ZDHHC8: variants seen among roughly 807,000 people sequenced by gnomAD.
ZDHHC8 encodes the protein zDHHC palmitoyltransferase 8, also known as palmitoyltransferase ZDHHC8.
A neutral mutation model predicts 61.2 loss-of-function variants in ZDHHC8; 24 were observed. The observed-to-expected ratio is 0.39, with a 90% confidence interval of 0.28 to 0.55. The LOEUF is 0.55. Ranked by LOEUF, ZDHHC8 falls within the 20% of genes least tolerant of loss-of-function variation. The pLI is 0.60. For synonymous variants in ZDHHC8, 523 were observed against 492.5 expected, an observed-to-expected ratio of 1.06 and a Z score of -0.82; for missense variants, 935 against 1,102.1, an observed-to-expected ratio of 0.85 and a Z score of 2.15.
At position 20,147,045 on chromosome 22, in the gene ZDHHC8, TG is replaced by T; in HGVS notation, c.*1647del. 6.9e-7 allele frequency: 1 copy of T among 1,448,858 alleles called. No individual in the cohort carries two copies. The allele number at this position is 1,448,858 out of a possible 1,614,324, so 89.8% of individuals were successfully genotyped here. A position where few individuals can be genotyped will look rare whatever the true frequency, so the allele number is the denominator to read the frequency against. On this transcript the variant is annotated 3_prime_UTR_variant, in exon 11 of 11. Transcript: ENST00000334554. ...GGGGGCGGATTGGCACCTGCACCCG[TG>T]GATGGGGGCGGCGTGGCCAGCCTTG...
rs146801450 is a variant in ZDHHC8, at chr22:20,142,845, T to C, written c.1215T>C (p.Tyr405=). The C allele has an allele frequency of 3.3e-5, 53 of 1,612,642 alleles. 1 individual carries two copies. The Middle Eastern group carries it at 6.6e-4, about 20-fold the overall frequency. ...AGCCGAGCCTGGACCTCCCTGACTATGGGCCAGGGGGCCTGCATGCAGCCT... is the reference window on the plus strand; with the variant it reads ...AGCCGAGCCTGGACCTCCCTGACTACGGGCCAGGGGGCCTGCATGCAGCCT... The part of the protein sequence containing the change: ...VSEPSLDLPD[Y]GPGGLHAAYP... Residue 405 remains tyrosine (Y), a synonymous_variant, in exon 10 of 11, where the codon TAT becomes TAC. Coordinates refer to ENST00000334554, the MANE Select transcript of ZDHHC8 (RefSeq NM_013373.4).
chr22:20,140,513 G>A (rs991673948), intron 5 of ZDHHC8, 104 bp from the exon 6 acceptor site: 26 of 1,246,192 alleles, frequency 2.1e-5, no homozygotes, highest in East Asian at 1.3e-4. Flanking sequence ...GCCACTTCCC[G>A]CAAGTATCAG....
At chr22:20,136,239 C>T (rs1462941720) in intron 1 of ZDHHC8, among the ~76,000 whole-genome samples, 2 of 152,216 alleles carry the variant, frequency 1.3e-5, no homozygotes, top group Non-Finnish European at 2.9e-5. Flanking sequence ...CTCCGGCAGG[C>T]GAGCCTGGTG....
chr22:20,141,638 C>G (rs1210217030), intron 9 of ZDHHC8, 108 bp downstream of exon 9: 6 of 954,780 alleles, frequency 6.3e-6, no homozygotes, highest in African/African-American at 1.7e-5. Context: ...AGAGCCCCAT[C>G]TCTCCAGCAG....
chr22:20,139,707 T>C lies in ZDHHC8; in HGVS notation c.385-13T>C, dbSNP rs1180705143. ...CTGCCTGCCATGTGCCCTGATGCAC[T>C]GCTCCCGCCCAGGACTTTGACCACC... On this transcript the variant is annotated splice_polypyrimidine_tract_variant and intron_variant, in intron 3 of 10. Coordinates refer to ENST00000334554, the MANE Select transcript of ZDHHC8 (RefSeq NM_013373.4). 1.2e-6 allele frequency: 2 copies of C among 1,611,962 alleles called. No individual in the cohort carries two copies. The highest frequency in any genetic ancestry group is 2.7e-5 in the African/African-American group (2 of 75,062).
chr22:20,140,856 T>G lies in ZDHHC8; in HGVS notation c.753-15T>G. On this transcript the variant is annotated splice_polypyrimidine_tract_variant and intron_variant, in intron 6 of 10. Transcript: ENST00000334554. ...GGCAGGTGGGCTGGCTACTGACCCC[T>G]GTGCCCTGGTGCAGGTACGTGGTGG... 1 of 1,599,228 alleles carries G rather than the reference T, an allele frequency of 6.3e-7. No individual in the cohort carries two copies. Among genetic ancestry groups the G allele is most frequent in the Non-Finnish European group, 8.5e-7 (1 of 1,179,456 alleles).
chr22:20,131,983 C>A lies in ZDHHC8; in HGVS notation c.36C>A (p.Ala12=). Residue 12 remains alanine, a synonymous_variant, in exon 1 of 11, where the codon GCC becomes GCA. Coordinates refer to ENST00000334554, the MANE Select transcript of ZDHHC8 (RefSeq NM_013373.4). The part of the protein sequence containing the change: ...PRSPGTRLKP[A]KYIPVATAAA... ...GCCCCGGGACGCGCCTCAAACCCGC[C>A]AAGTACATCCCGGTGGCCACGGCCG... The A allele has an allele frequency of 7.3e-7, 1 of 1,365,088 alleles. No homozygotes were observed. The highest frequency in any genetic ancestry group is 3.9e-5 in the East Asian group (1 of 25,904). The allele number at this position is 1,365,088 out of a possible 1,614,324, so 84.6% of individuals were successfully genotyped here.
At chr22:20,136,810 C>T (rs2050425069) in intron 1 of ZDHHC8, among the ~76,000 whole-genome samples, 1 of 152,216 alleles carries the variant, frequency 6.6e-6, no homozygotes, top group South Asian at 2.1e-4. Flanking sequence ...TATGTGTGTA[C>T]ATGCCTGTAT....
Position 20,139,324 on chromosome 22 carries a change from C to A in ZDHHC8, c.226+9C>A. 6.2e-7 allele frequency: 1 copy of A among 1,612,610 alleles called. No homozygotes were observed. The highest frequency in any genetic ancestry group is 8.5e-7 in the Non-Finnish European group (1 of 1,179,322). ...TGGTGTTTTCCCCCGAGGTAGGGCC[C>A]TGTGCTGCGGCAGCTCCTCTCACTT... On this transcript the variant is annotated intron_variant, in intron 2 of 10. Transcript: ENST00000334554.
At position 20,146,653 on chromosome 22, in the gene ZDHHC8, G is replaced by T; in HGVS notation, c.*1253G>T. On this transcript the variant is annotated 3_prime_UTR_variant, in exon 11 of 11. Coordinates refer to ENST00000334554, the MANE Select transcript of ZDHHC8 (RefSeq NM_013373.4). ...GGGGCGGCCGATGGTCTGTGGCTGGGAAGTGTGAGGGTCTCTCGCCTTGGG... is the reference window on the plus strand; with the variant it reads ...GGGGCGGCCGATGGTCTGTGGCTGGTAAGTGTGAGGGTCTCTCGCCTTGGG... 9.7e-7 allele frequency: 1 copy of T among 1,026,546 alleles called. No individual in the cohort carries two copies. The highest frequency in any genetic ancestry group is 4.6e-5 in the South Asian group (1 of 21,730). 63.6% of individuals were successfully genotyped at this position (1,026,546 alleles called of 1,614,324 possible). A position where few individuals can be genotyped will look rare whatever the true frequency, so the allele number is the denominator to read the frequency against.
chr22:20,145,371 G>A lies in ZDHHC8; in HGVS notation c.2269G>A (p.Gly757Ser). 6.4e-7 allele frequency: 1 copy of A among 1,572,416 alleles called. No individual in the cohort carries two copies. Among genetic ancestry groups the A allele is most frequent in the Admixed American group, 1.8e-5 (1 of 55,206 alleles). ...HTLVKKVSGV[G>S]GTTYEISV The stretch of plus-strand genomic sequence containing the variant: ...GCTGGTTAAGAAGGTGTCCGGCGTG[G>A]GTGGGACCACCTACGAGATCTCGGT... Residue 757 changes from glycine to serine, a missense_variant, in exon 11 of 11, where the codon GGT becomes AGT. Physicochemically the swap from Gly to Ser is moderately conservative, Grantham distance 56. Transcript: ENST00000334554.
chr22:20,140,781 G>A, intron 6 of ZDHHC8, 73 bp downstream of exon 6: 1 of 1,594,548 alleles, frequency 6.3e-7, no homozygotes, highest in South Asian at 1.1e-5. Context: ...GACCCTCTTG[G>A]TCCGTTTGGC....
In ZDHHC8 at chr22:20,143,597, C is replaced by T. The variant is rs191612868; in HGVS notation, c.1967C>T (p.Pro656Leu). ...GCTGATCAGGCCAGCAGCAACGCCC[C>T]GGGGCCCCGGCCCAGCAGTGGCTCA... ...LQADQASSNA[P>L]GPRPSSGSHR... The change falls in exon 10 of 11, where the codon CCG becomes CTG. Residue 656 changes from proline (P) to leucine (L), a missense_variant. This residue lies in a region of ZDHHC8 where 692 missense variants were observed against 731.4 expected (regional missense o/e 0.95). Coordinates refer to ENST00000334554, the MANE Select transcript of ZDHHC8 (RefSeq NM_013373.4). 1.6e-5 allele frequency: 26 copies of T among 1,600,914 alleles called. No individual in the cohort carries two copies. Among genetic ancestry groups the T allele is most frequent in the East Asian group, 1.3e-4 (6 of 44,762 alleles).
Position 20,142,900 on chromosome 22 carries a change from G to C in ZDHHC8, c.1270G>C (p.Asp424His), listed in dbSNP as rs936661182. 6.2e-7 allele frequency: 1 copy of C among 1,610,934 alleles called. No individual in the cohort carries two copies. Among genetic ancestry groups the C allele is most frequent in the Non-Finnish European group, 8.5e-7 (1 of 1,179,206 alleles). Reference sequence around the variant, plus strand: ...GCCATCCCCACCGCTCAGCGCCTCTGATGCCTTCTCGGGCGCTTTGCGCTC... The same window carrying C: ...GCCATCCCCACCGCTCAGCGCCTCTCATGCCTTCTCGGGCGCTTTGCGCTC... ...YPPSPPLSASDAFSGALRSLS... is the reference protein window; with the variant it reads ...YPPSPPLSASHAFSGALRSLS... Residue 424 changes from aspartate (D) to histidine (H), a missense_variant, in exon 10 of 11, where the codon GAT becomes CAT. Coordinates refer to ENST00000334554, the MANE Select transcript of ZDHHC8 (RefSeq NM_013373.4).
At chr22:20,140,323 G>A (rs2050457132) in intron 5 of ZDHHC8, 106 bp downstream of exon 5, 1 of 1,185,118 alleles carries the variant, frequency 8.4e-7, no homozygotes, top group Non-Finnish European at 1.2e-6. Flanking sequence ...AGCTTGTGCA[G>A]CTGTGTTGAG....
Position 20,145,450 on chromosome 22 carries a change from C to T in ZDHHC8, c.*50C>T. On this transcript the variant is annotated 3_prime_UTR_variant, in exon 11 of 11. Coordinates refer to ENST00000334554, the MANE Select transcript of ZDHHC8 (RefSeq NM_013373.4). ...TGGTGCCACGGGGACCAGGACCCCA[C>T]AGCGCACCCCCCCTCCCCACCAACT... is the stretch of plus-strand genomic sequence containing the variant. 2 of 1,372,584 alleles carry T rather than the reference C, an allele frequency of 1.5e-6. No individual in the cohort carries two copies. The highest frequency in any genetic ancestry group is 1.9e-6 in the Non-Finnish European group (2 of 1,060,748). 85.0% of individuals were successfully genotyped at this position (1,372,584 alleles called of 1,614,324 possible).
chr22:20,134,207 A>G (rs1271500051), intron 1 of ZDHHC8, among the ~76,000 whole-genome samples: 2 of 152,190 alleles, frequency 1.3e-5, no homozygotes, highest in Non-Finnish European at 2.9e-5. Context: ...CCTGGGTTTG[A>G]TGTGCAGTGG....
chr22:20,140,565 C>A, intron 5 of ZDHHC8, 52 bp from the exon 6 acceptor site: 1 of 1,512,834 alleles, frequency 6.6e-7, no homozygotes, highest in Admixed American at 2.2e-5. Context: ...CCCCTGCCCA[C>A]CCTGGCCTGG....
rs776995133 is a variant in ZDHHC8, at chr22:20,140,703, G to C, written c.747G>C (p.Ala249=). The C allele has an allele frequency of 1.4e-5, 23 of 1,610,282 alleles. No homozygotes were observed. The highest frequency in any genetic ancestry group is 1.8e-5 in the Non-Finnish European group (21 of 1,179,148). The change falls in exon 6 of 11, where the codon GCG becomes GCC. Residue 249 remains alanine, a synonymous_variant. Transcript: ENST00000334554. ...NVEHVLCSPL[A]PRYVVEPPRL... ...AGCACGTGCTGTGTAGCCCCCTGGC[G>C]CCCCGGTGAGGCCCGGCCTGGGCAG...
Sources: gnomAD v4.1 joint callset for allele counts (sites outside exome capture counted in the v4.1 genomes callset) on GRCh38, gnomAD v4.1.1 for gene constraint, gnomAD v4.1.1 regional missense constraint, MANE v1.5 for transcripts, NCBI Gene and HGNC (gene_info 2026-07-23, HGNC 2026-07-21) for gene names.